The following DMD variants were observed in gnomAD, a reference collection of about 807,000 sequenced individuals.
The protein encoded by DMD is dystrophin, also known as mutant dystrophin.
A neutral mutation model predicts 330.1 loss-of-function variants in DMD; 63 were observed. That is an observed-to-expected ratio of 0.19 (90% CI 0.16 to 0.24). The LOEUF (loss-of-function observed/expected upper bound fraction) is 0.24. Ranked by LOEUF, DMD falls within the 10% of genes least tolerant of loss-of-function variation. DMD has a pLI of 1.00. For missense variants in DMD, 3,344 were observed against 2,684.1 expected (o/e 1.25, Z -5.43); for synonymous variants, 1,223 against 959.8 (o/e 1.27, Z -5.07).
chrX:33,116,148 G>C, intron 1 of DMD, among the ~76,000 whole-genome samples: 1 of 109,428 alleles, frequency 9.1e-6, no homozygotes, highest in Non-Finnish European at 1.9e-5. Context: ...AGCCGAGATG[G>C]TGCCACTGCA....
intron 44 of DMD, among the ~76,000 whole-genome samples, chrX:32,091,003 T>A (rs1244654705): frequency 8.9e-6 from 1 of 112,407 alleles, no homozygotes; most frequent in East Asian, 2.8e-4. Flanking sequence ...CAGCTCTGGC[T>A]TAAATGTAGC....
intron 2 of DMD, among the ~76,000 whole-genome samples, chrX:32,936,072 G>A (rs2089995888): frequency 9.1e-6 from 1 of 109,683 alleles, no homozygotes; most frequent in Non-Finnish European, 1.9e-5. Flanking sequence ...AAAAAAAACT[G>A]TCTAGAAACC....
chrX:32,378,050 C>T (rs1018114445), intron 34 of DMD, among the ~76,000 whole-genome samples: 1 of 110,645 alleles, frequency 9.0e-6, no homozygotes, highest in Non-Finnish European at 1.9e-5. Context: ...GTGTTATCAC[C>T]TTTATGACCC....
intron 1 of DMD, among the ~76,000 whole-genome samples, chrX:33,095,166 C>T (rs747769216): frequency 8.9e-6 from 1 of 112,253 alleles, no homozygotes; most frequent in South Asian, 3.6e-4. Flanking sequence ...CATATGACAA[C>T]GTTTTGAATA....
At chrX:33,009,476 G>GTGTATACACATGTGTGTATA (rs1325666836) in intron 2 of DMD, among the ~76,000 whole-genome samples, 1 of 80,066 alleles carries the variant, frequency 1.2e-5, no homozygotes, top group Non-Finnish European at 2.4e-5. Context: ...ATGTGTGTAT[G>GTGTATACACATGTGTGTATA]TGTATACACA....
chrX:31,394,243 G>A (rs1427845636), intron 60 of DMD, among the ~76,000 whole-genome samples: 1 of 112,235 alleles, frequency 8.9e-6, no homozygotes, highest in Non-Finnish European at 1.9e-5. Context: ...GAATTGTTAG[G>A]TGACTACAGC....
chrX:33,179,852 T>C (rs935510825), intron 1 of DMD, among the ~76,000 whole-genome samples: 5 of 109,200 alleles, frequency 4.6e-5, no homozygotes, highest in African/African-American at 1.7e-4. Context: ...TTTTTTTTTT[T>C]TCCTCTGAGA....
chrX:32,485,069 G>A lies in DMD; in HGVS notation c.2653C>T (p.Pro885Ser), dbSNP rs1335534133. The change falls in exon 21 of 79, where the codon CCT (proline) becomes TCT (serine). Residue 885 changes from proline to serine, a missense_variant. Pro to Ser is a moderately conservative substitution (Grantham distance 74). Transcript: ENST00000357033. ...DEVNRLSDLQ[P>S]QIERLKIQSI... is the part of the protein sequence containing the mutation. ...TGAATTTTTAATCGTTCAATTTGAGGTTGAAGATCTGATAGCCGGTTGACT... is the reference window on the plus strand; with the variant it reads ...TGAATTTTTAATCGTTCAATTTGAGATTGAAGATCTGATAGCCGGTTGACT... The A allele has an allele frequency of 8.3e-7, 1 of 1,208,991 alleles. No individual in the cohort carries two copies. The highest frequency in any genetic ancestry group is 1.8e-5 in the African/African-American group (1 of 57,085).
At chrX:33,054,048 G>A (rs2094490214) in intron 1 of DMD, among the ~76,000 whole-genome samples, 1 of 111,842 alleles carries the variant, frequency 8.9e-6, no homozygotes, top group African/African-American at 3.3e-5. Flanking sequence ...GTGGATTTGG[G>A]AAGTTTGAAG....
At position 32,389,510 on chromosome X, in the gene DMD, A is replaced by G; in HGVS notation, c.4509T>C (p.Asn1503=). The stretch of plus-strand genomic sequence containing the variant: ...CACCAGAAATACATACCACACAATG[A>G]TTTAGCTGTGACTGTACTACTTCCT... The part of the protein sequence containing the change: ...VEQEVVQSQL[N]HCVNLYKSLS... The change falls in exon 32 of 79, where the codon AAT becomes AAC. Residue 1503 remains asparagine (N), a synonymous_variant. Coordinates refer to ENST00000357033, the MANE Select transcript of DMD (RefSeq NM_004006.3). The G allele has an allele frequency of 8.3e-7, 1 of 1,211,169 alleles. No individual in the cohort carries two copies. Among genetic ancestry groups the G allele is most frequent in the Non-Finnish European group, 1.1e-6 (1 of 894,991 alleles).
At chrX:32,413,159 A>G (rs989986181) in intron 29 of DMD, among the ~76,000 whole-genome samples, 1 of 109,850 alleles carries the variant, frequency 9.1e-6, no homozygotes, top group African/African-American at 3.3e-5. Context: ...ACAACTCTCA[A>G]CTCTACATCT....
Position 32,827,114 on chromosome X carries a change from G to T in DMD, c.265-3727C>A, listed in dbSNP as rs760101842. ...AGCCACAGATAATACCTAAATAAAT[G>T]TTCATGGTTTTTTTCCAATAAAATT... On this transcript the variant is annotated intron_variant, in intron 4 of 78. Transcript: ENST00000357033. 6.5e-5 allele frequency among the ~76,000 whole-genome samples: 6 copies of T among 92,567 alleles called. No individual in the cohort carries two copies. In the Admixed American group the frequency reaches 6.7e-4, roughly 10 times the overall value. The allele number at this position is 92,567 out of a possible 115,157, so 80.4% of individuals were successfully genotyped here. A position where few individuals can be genotyped will look rare whatever the true frequency, so the allele number is the denominator to read the frequency against.
chrX:32,964,167 A>G (rs2092025217), intron 2 of DMD, among the ~76,000 whole-genome samples: 1 of 104,198 alleles, frequency 9.6e-6, no homozygotes, highest in African/African-American at 3.6e-5. Flanking sequence ...GAGGCAGGAG[A>G]ATCCCTTGAA....
intron 7 of DMD, among the ~76,000 whole-genome samples, chrX:32,761,090 T>C (rs752126649): frequency 5.4e-5 from 6 of 112,044 alleles, no homozygotes; most frequent in Non-Finnish European, 1.1e-4. Flanking sequence ...CACTTAAATG[T>C]TATCAACTCA....
chrX:32,480,628 A>G (rs778362439), intron 21 of DMD, among the ~76,000 whole-genome samples: 2 of 106,095 alleles, frequency 1.9e-5, no homozygotes, highest in East Asian at 2.8e-4. Context: ...ATGTGTATAT[A>G]TGTACATACG....
intron 43 of DMD, among the ~76,000 whole-genome samples, chrX:32,242,837 A>T (rs1407280805): frequency 9.1e-6 from 1 of 109,779 alleles, no homozygotes; most frequent in Non-Finnish European, 1.9e-5. Flanking sequence ...TAGAATTGGG[A>T]GGTCACAATT....
chrX:32,044,130 G>T (rs1316458583), intron 44 of DMD, among the ~76,000 whole-genome samples: 4 of 111,211 alleles, frequency 3.6e-5, no homozygotes, highest in Admixed American at 1.9e-4. Flanking sequence ...GCTTAATTTT[G>T]AGCTTTCAAC....
At position 32,429,387 on chromosome X, in the gene DMD, GTTTTTTTT is replaced by G. The variant is rs10692022; in HGVS notation, c.4071+8846_4071+8853del. The stretch of plus-strand genomic sequence containing the variant: ...ACCAAGCCTGGATACTTTTTTTTGG[GTTTTTTTT>G]TTTTTTTTTTTTTTTTGTATTTGTG... On this transcript the variant is annotated intron_variant, in intron 29 of 78. Transcript: ENST00000357033. Among the ~76,000 whole-genome samples the G allele has an allele frequency of 7.0e-4, 31 of 44,202 alleles. 1 individual carries two copies. Among genetic ancestry groups the G allele is most frequent in the South Asian group, 3.4e-3 (2 of 593 alleles). The allele number at this position is 44,202 out of a possible 115,157, so 38.4% of individuals were successfully genotyped here. A position where few individuals can be genotyped will look rare whatever the true frequency, so the allele number is the denominator to read the frequency against.
At chrX:33,152,176 T>C (rs2048308922) in intron 1 of DMD, among the ~76,000 whole-genome samples, 1 of 107,353 alleles carries the variant, frequency 9.3e-6, no homozygotes, top group Non-Finnish European at 1.9e-5. Flanking sequence ...TTATTATTAT[T>C]ATTATTATTA....
Sources: gnomAD v4.1 joint callset for allele counts (sites outside exome capture counted in the v4.1 genomes callset) on GRCh38, gnomAD v4.1.1 for gene constraint, MANE v1.5 for transcripts, NCBI Gene and HGNC (gene_info 2026-07-23, HGNC 2026-07-21) for gene names.